The following CLDN10 variants were observed in gnomAD, a reference collection of about 807,000 sequenced individuals.
The protein encoded by CLDN10 is claudin-10.
A neutral mutation model predicts 22.9 loss-of-function variants in CLDN10; 15 were observed. The observed-to-expected ratio is 0.65, with a 90% CI of 0.44 to 1.01. The LOEUF (loss-of-function observed/expected upper bound fraction) is 1.01. Ranked by LOEUF, CLDN10 falls within the 50% of genes least tolerant of loss-of-function variation. The pLI is 0.00. For missense variants in CLDN10, 247 were observed against 287.8 expected (o/e 0.86, Z 1.03); for synonymous variants, 114 against 111.4 (o/e 1.02, Z -0.15).
intron 1 of CLDN10, among the ~76,000 whole-genome samples, chr13:95,501,022 T>C (rs957611486): frequency 1.3e-5 from 2 of 152,104 alleles, no homozygotes; most frequent in African/African-American, 2.4e-5. Context: ...TAATTTTCTT[T>C]TTTTTTCTTT....
intron 3 of CLDN10, chr13:95,560,765 G>A: frequency 3.4e-6 from 1 of 293,330 alleles, no homozygotes; most frequent in Non-Finnish European, 6.4e-6. Context: ...AAACGTGAAA[G>A]GTGTCAGACG....
At chr13:95,532,792 CAAAAAAAA>C (rs57500288) in intron 1 of CLDN10, among the ~76,000 whole-genome samples, 5 of 62,022 alleles carry the variant, frequency 8.1e-5, no homozygotes, top group African/African-American at 1.3e-4. Context: ...CTCAATTCAG[CAAAAAAAA>C]AAAAAAAAAA....
intron 1 of CLDN10, among the ~76,000 whole-genome samples, chr13:95,435,001 G>A (rs980661666): frequency 2.0e-5 from 3 of 152,066 alleles, no homozygotes; most frequent in Non-Finnish European, 4.4e-5. Context: ...TTTCCCCTTT[G>A]GTTACCTGAT....
At chr13:95,550,739 T>C (rs1278774696), upstream of CLDN10, among the ~76,000 whole-genome samples, 1 of 149,228 alleles carries the variant, frequency 6.7e-6, no homozygotes, top group Non-Finnish European at 1.5e-5. Flanking sequence ...TACAAAAGAA[T>C]AGAGGATGCT....
chr13:95,496,412 G>T (rs1054397520), intron 1 of CLDN10, among the ~76,000 whole-genome samples: 22 of 152,212 alleles, frequency 1.4e-4, no homozygotes, highest in Admixed American at 1.2e-3. Context: ...GGTCCTTTAA[G>T]ATAGGAAGAT....
intron 1 of CLDN10, among the ~76,000 whole-genome samples, chr13:95,440,764 A>G (rs1363672661): frequency 2.0e-5 from 3 of 152,246 alleles, no homozygotes; most frequent in Non-Finnish European, 2.9e-5. Flanking sequence ...CTTTCGCAGT[A>G]GAATCTAGAC....
intron 1 of CLDN10, among the ~76,000 whole-genome samples, chr13:95,466,925 G>T (rs1218848774): frequency 3.2e-4 from 44 of 138,994 alleles, no homozygotes. Flanking sequence ...CTCCCAGGCT[G>T]GAGTGCAGTG....
intron 1 of CLDN10, among the ~76,000 whole-genome samples, chr13:95,452,940 C>T (rs750671085): frequency 1.4e-4 from 21 of 152,340 alleles, no homozygotes; most frequent in Non-Finnish European, 2.6e-4. Context: ...CACTCCCCAA[C>T]TCAAACATTG....
intron 1 of CLDN10, among the ~76,000 whole-genome samples, chr13:95,525,519 G>A (rs769938383): frequency 1.3e-5 from 2 of 151,774 alleles, no homozygotes; most frequent in Non-Finnish European, 2.9e-5. Context: ...GTGAGACAGA[G>A]TCTTGCTCTA....
intron 1 of CLDN10, among the ~76,000 whole-genome samples, chr13:95,487,141 T>C (rs1361485133): frequency 1.3e-5 from 2 of 152,242 alleles, no homozygotes; most frequent in Non-Finnish European, 2.9e-5. Context: ...CAATTTGTTC[T>C]GGCAGCCTAT....
chr13:95,459,373 AT>A (rs1188370351), intron 1 of CLDN10, among the ~76,000 whole-genome samples: 2 of 152,144 alleles, frequency 1.3e-5, no homozygotes, highest in African/African-American at 4.8e-5. Context: ...GAGGTTCTCC[AT>A]GAGGGCTCCA....
At chr13:95,571,826 T>G (rs1178564714) in intron 3 of CLDN10, among the ~76,000 whole-genome samples, 2 of 152,180 alleles carry the variant, frequency 1.3e-5, no homozygotes, top group African/African-American at 4.8e-5. Context: ...CTTTCTGGAT[T>G]TTAAACTTTG....
chr13:95,566,148 G>A (rs1381179485), intron 3 of CLDN10, among the ~76,000 whole-genome samples: 1 of 152,118 alleles, frequency 6.6e-6, no homozygotes, highest in African/African-American at 2.4e-5. Flanking sequence ...CCCAGTAATG[G>A]GATCACTCAG....
chr13:95,554,512 C>G (rs2043609261), intron 1 of CLDN10, among the ~76,000 whole-genome samples: 1 of 152,044 alleles, frequency 6.6e-6, no homozygotes, highest in Non-Finnish European at 1.5e-5. Context: ...GGGGGCAGAT[C>G]GGGCCGGGAG....
chr13:95,525,816 G>A (rs988002545), intron 1 of CLDN10, among the ~76,000 whole-genome samples: 5 of 152,048 alleles, frequency 3.3e-5, no homozygotes, highest in African/African-American at 9.7e-5. Flanking sequence ...GTAAGCCACC[G>A]AGATTCTAGG....
Position 95,458,967 on chromosome 13 carries a change from T to C in CLDN10, c.214+24920T>C, listed in dbSNP as rs138179867. On this transcript the variant is annotated intron_variant, in intron 1 of 4. Transcript: ENST00000376873. ...TACAGCACTGGGTAAATACACCTGT[T>C]ACAAATGGGAGAAATTGGCCAAAAC... Among the ~76,000 whole-genome samples, 69 of 152,316 alleles carry C rather than the reference T, an allele frequency of 4.5e-4. 1 individual carries two copies. Among genetic ancestry groups the C allele is most frequent in the African/African-American group, 1.7e-3 (69 of 41,556 alleles).
Position 95,579,440 on chromosome 13 carries a change from T to C in CLDN10, c.*1426T>C, listed in dbSNP as rs972555573. The C allele has an allele frequency of 1.3e-5, 2 of 152,208 alleles. No individual in the cohort carries two copies. Among genetic ancestry groups the C allele is most frequent in the Non-Finnish European group, 2.9e-5 (2 of 68,042 alleles). 9.4% of individuals were successfully genotyped at this position (152,208 alleles called of 1,614,324 possible). On this transcript the variant is annotated 3_prime_UTR_variant, in exon 5 of 5. Transcript: ENST00000299339. ...CAGCCATCCTAGGAGATACATATTG[T>C]TTTCATCCTGCATTTACAGAAAAAG...
intron 1 of CLDN10, among the ~76,000 whole-genome samples, chr13:95,497,978 G>C (rs2042946158): frequency 6.6e-6 from 1 of 152,132 alleles, no homozygotes; most frequent in Non-Finnish European, 1.5e-5. Flanking sequence ...AACAAAAAGA[G>C]AAACAATACA....
At chr13:95,554,441 G>A (rs1172134061) in intron 1 of CLDN10, among the ~76,000 whole-genome samples, 2 of 152,190 alleles carry the variant, frequency 1.3e-5, no homozygotes, top group Non-Finnish European at 1.5e-5. Context: ...ATTAAGTGCA[G>A]AATAATAAAG....
Sources: allele counts gnomAD v4.1 joint callset (sites outside exome capture counted in the v4.1 genomes callset), GRCh38; gene constraint gnomAD v4.1.1; transcripts MANE v1.5; gene names NCBI Gene and HGNC (gene_info 2026-07-23, HGNC 2026-07-21).